C1QTNF5: variants seen among roughly 807,000 people sequenced by gnomAD.
C1QTNF5 encodes C1q and TNF related 5.
A neutral mutation model predicts 10.9 loss-of-function variants in C1QTNF5; 5 were observed. The observed-to-expected ratio is 0.46, with a 90% CI of 0.24 to 0.97. C1QTNF5 has a LOEUF of 0.97. Among genes scored for constraint, C1QTNF5 ranks in the 50% least tolerant of loss-of-function variants. The probability of loss-of-function intolerance (pLI) is 0.19; values close to 1 mark genes in which losing one functional copy is unlikely to be tolerated. For synonymous variants in C1QTNF5, 161 were observed against 156.5 expected (o/e 1.03, Z -0.22); for missense variants, 281 against 339.4 (o/e 0.83, Z 1.35).
chr11:119,345,363 G>T (rs1950551494), upstream of C1QTNF5: 3 of 1,549,404 alleles, frequency 1.9e-6, no homozygotes, highest in African/African-American at 1.4e-5. Flanking sequence ...CCCTGATTCT[G>T]CTCTTTAGAT....
upstream of C1QTNF5, chr11:119,345,735 T>C: frequency 6.2e-7 from 1 of 1,613,298 alleles, no homozygotes; most frequent in Non-Finnish European, 8.5e-7. Context: ...CCCGTCATCT[T>C]GGGCCCTTCT....
At chr11:119,342,726 G>A (rs746309815), upstream of C1QTNF5, 1 of 1,613,572 alleles carries the variant, frequency 6.2e-7, no homozygotes, top group Admixed American at 1.7e-5. Flanking sequence ...GCCCACAGGG[G>A]TCTGCAGGCA....
upstream of C1QTNF5, chr11:119,344,020 GCA>G (rs779694392): frequency 6.2e-7 from 1 of 1,604,636 alleles, no homozygotes; most frequent in Non-Finnish European, 8.5e-7. Flanking sequence ...CTCATCCCGG[GCA>G]CCCAGAAGGG....
At chr11:119,341,074 G>A, upstream of C1QTNF5, 1 of 195,458 alleles carries the variant, frequency 5.1e-6, no homozygotes, top group South Asian at 9.2e-5. Flanking sequence ...CAGGGCAGTG[G>A]CAGAGACCAA....
chr11:119,344,370 C>T, upstream of C1QTNF5: 1 of 1,613,860 alleles, frequency 6.2e-7, no homozygotes, highest in Admixed American at 1.7e-5. Context: ...GCCCTGGAGG[C>T]CAGTCAGATT....
chr11:119,340,560 C>T, intron 1 of C1QTNF5, 120 bp from the exon 2 acceptor site: 2 of 706,280 alleles, frequency 2.8e-6, no homozygotes, highest in Admixed American at 2.8e-5. Context: ...TGAGCGCTCG[C>T]AGGGCCGAGC....
Position 119,339,660 on chromosome 11 carries a change from G to C in C1QTNF5, c.403C>G (p.His135Asp), listed in dbSNP as rs766109898. Reference protein sequence around the residue: ...FDRVLVNEQGHYDAVTGKFTC... With the variant: ...FDRVLVNEQGDYDAVTGKFTC... ...AACTTGCCGGTGACGGCGTCGTAAT[G>C]TCCCTGCTCGTTCACCAGCACGCGG... is the stretch of plus-strand genomic sequence containing the variant. The change falls in exon 3 of 3, where the codon CAT (histidine) becomes GAT (aspartate). Residue 135 changes from histidine to aspartate, a missense_variant. Physicochemically the swap from His to Asp is moderately conservative, Grantham distance 81 (BLOSUM62 -1). Transcript: ENST00000528368. This position sits in a 1 kb window ranked among gnomAD's most constrained non-coding sequence, Gnocchi z 5.4. 1.9e-6 allele frequency: 3 copies of C among 1,612,010 alleles called. No homozygotes were observed. The highest frequency in any genetic ancestry group is 2.5e-6 in the Non-Finnish European group (3 of 1,179,972).
upstream of C1QTNF5, chr11:119,341,302 T>C: frequency 1.8e-6 from 1 of 563,764 alleles, no homozygotes; most frequent in Non-Finnish European, 3.2e-6. Context: ...TGGGAAGTGG[T>C]CTCGATTGTC....
chr11:119,345,403 G>A, upstream of C1QTNF5: 2 of 1,612,306 alleles, frequency 1.2e-6, no homozygotes, highest in Non-Finnish European at 1.7e-6. Context: ...GGATGTCCTG[G>A]GGACAGAGGG....
Position 119,339,454 on chromosome 11 carries a change from G to A in C1QTNF5, c.609C>T (p.Asp203=), listed in dbSNP as rs1413843173. 2 of 1,613,924 alleles carry A rather than the reference G, an allele frequency of 1.2e-6. No homozygotes were observed. The highest frequency in any genetic ancestry group is 3.3e-5 in the Admixed American group (2 of 59,990). ...GGAMVRLEPE[D]QVWVQVGVGD... is the part of the protein sequence containing the mutation. ...CCACACCCACCTGCACCCACACTTGGTCCTCAGGCTCCAGCCTCACCATGG... is the reference window on the plus strand; with the variant it reads ...CCACACCCACCTGCACCCACACTTGATCCTCAGGCTCCAGCCTCACCATGG... Residue 203 remains aspartate, a synonymous_variant, in exon 3 of 3, where the codon GAC becomes GAT. Coordinates refer to ENST00000528368, the MANE Select transcript of C1QTNF5 (RefSeq NM_001278431.2). The surrounding 1 kb of genome is among the most constrained non-coding windows in gnomAD (Gnocchi z 5.4).
At chr11:119,343,943 C>T, upstream of C1QTNF5, 1 of 1,613,280 alleles carries the variant, frequency 6.2e-7, no homozygotes, top group Middle Eastern at 1.6e-4. Flanking sequence ...CCGGCAGGCA[C>T]CGAGATATGC....
In C1QTNF5 at chr11:119,339,822, C is replaced by T. The variant is rs1256466094; in HGVS notation, c.241G>A (p.Gly81Arg). 3 of 1,515,120 alleles carry T rather than the reference C, an allele frequency of 2.0e-6. No homozygotes were observed. Among genetic ancestry groups the T allele is most frequent in the African/African-American group, 2.8e-5 (2 of 72,416 alleles). 93.9% of individuals were successfully genotyped at this position (1,515,120 alleles called of 1,614,324 possible). A position where few individuals can be genotyped will look rare whatever the true frequency, so the allele number is the denominator to read the frequency against. ...PGLPGPRGDP[G>R]PRGEAGPAGP... ...GCGGGTCCCGCCTCTCCTCGCGGCC[C>T]GGGGTCCCCTCGAGGTCCCGGCAGT... Residue 81 changes from glycine (G) to arginine (R), a missense_variant, in exon 3 of 3, where the codon GGG becomes AGG. Coordinates refer to ENST00000528368, the MANE Select transcript of C1QTNF5 (RefSeq NM_001278431.2). The surrounding 1 kb of genome is among the most constrained non-coding windows in gnomAD (Gnocchi z 5.4).
chr11:119,344,494 AAAC>A (rs1950538304), upstream of C1QTNF5: 1 of 1,569,656 alleles, frequency 6.4e-7, no homozygotes, highest in Admixed American at 1.8e-5. Flanking sequence ...TGCCCATGGG[AAAC>A]AAGTTCTGGG....
At chr11:119,344,744 A>T (rs751729583), upstream of C1QTNF5, 35 of 1,613,872 alleles carry the variant, frequency 2.2e-5, no homozygotes, top group Middle Eastern at 3.3e-4. Flanking sequence ...GGAACTCATC[A>T]TGGGCACAGC....
upstream of C1QTNF5, chr11:119,343,052 G>T: frequency 6.4e-7 from 1 of 1,559,562 alleles, no homozygotes; most frequent in Non-Finnish European, 8.7e-7. Context: ...GCTGACTGAG[G>T]GGGCACTGCA....
upstream of C1QTNF5, among the ~76,000 whole-genome samples, chr11:119,342,335 G>T (rs2095700985): frequency 6.6e-6 from 1 of 152,206 alleles, no homozygotes; most frequent in Admixed American, 6.5e-5. Flanking sequence ...AAGGGGCTCT[G>T]GGTGACAGAA....
In C1QTNF5 at chr11:119,339,642, C is replaced by T. The variant is rs1321344741; in HGVS notation, c.421G>A (p.Gly141Ser). 1 of 1,612,536 alleles carries T rather than the reference C, an allele frequency of 6.2e-7. No individual in the cohort carries two copies. Among genetic ancestry groups the T allele is most frequent in the African/African-American group, 1.3e-5 (1 of 74,958 alleles). The stretch of plus-strand genomic sequence containing the variant: ...CCAGGCACCTGGCAGGTGAACTTGC[C>T]GGTGACGGCGTCGTAATGTCCCTGC... ...NEQGHYDAVT[G>S]KFTCQVPGVY... The change falls in exon 3 of 3, where the codon GGC becomes AGC. Residue 141 changes from glycine (G) to serine (S), a missense_variant. By Grantham distance (56) the Gly-to-Ser change is moderately conservative. Coordinates refer to ENST00000528368, the MANE Select transcript of C1QTNF5 (RefSeq NM_001278431.2). This position sits in a 1 kb window ranked among gnomAD's most constrained non-coding sequence, Gnocchi z 5.4.
rs886047817 is a variant in C1QTNF5 at position 119,339,173 on chromosome 11, G to T, written c.*158C>A. On this transcript the variant is annotated 3_prime_UTR_variant, in exon 3 of 3. Transcript: ENST00000528368. The surrounding 1 kb of genome is among the most constrained non-coding windows in gnomAD (Gnocchi z 5.4). Reference sequence around the variant, plus strand: ...CCAGACCTGATCGCAGACAGCCACTGTTCCCATTCCTTGCCAGCAGCAGGA... The same window carrying T: ...CCAGACCTGATCGCAGACAGCCACTTTTCCCATTCCTTGCCAGCAGCAGGA... The T allele has an allele frequency of 7.5e-6, 6 of 802,458 alleles. No homozygotes were observed. Among genetic ancestry groups the T allele is most frequent in the Non-Finnish European group, 1.2e-5 (6 of 517,768 alleles). 49.7% of individuals were successfully genotyped at this position (802,458 alleles called of 1,614,324 possible).
chr11:119,344,463 A>G (rs2135371685), upstream of C1QTNF5: 1 of 1,556,802 alleles, frequency 6.4e-7, no homozygotes, highest in Non-Finnish European at 8.8e-7. Context: ...GGCGGTGATT[A>G]CAGAGCGAGA....
Sources: allele counts gnomAD v4.1 joint callset (sites outside exome capture counted in the v4.1 genomes callset), GRCh38; gene constraint gnomAD v4.1.1; non-coding constraint Gnocchi (gnomAD v3.1); transcripts MANE v1.5; gene names NCBI Gene and HGNC (gene_info 2026-07-23, HGNC 2026-07-21).